Variants in KCNH8 observed in about 807,000 individuals in gnomAD.
KCNH8 encodes the protein voltage-gated delayed rectifier potassium channel KCNH8.
A neutral mutation model predicts 103.6 loss-of-function variants in KCNH8; 70 were observed. The observed-to-expected ratio is 0.68, with a 90% confidence interval of 0.56 to 0.82. KCNH8 has a LOEUF of 0.82. Among genes scored for constraint, KCNH8 ranks in the 40% least tolerant of loss-of-function variants. The pLI is 0.00. For synonymous variants in KCNH8, 498 were observed against 489.4 expected (o/e 1.02, Z -0.23); for missense variants, 1,217 against 1,329.9 (o/e 0.92, Z 1.32).
At chr3:19,284,441 T>G (rs1193900006) in intron 3 of KCNH8, among the ~76,000 whole-genome samples, 2 of 151,612 alleles carry the variant, frequency 1.3e-5, no homozygotes, top group Non-Finnish European at 2.9e-5. Context: ...ACAGCATTGG[T>G]GGAAGATGAG....
At chr3:19,508,922 T>C (rs1451493885) in intron 11 of KCNH8, among the ~76,000 whole-genome samples, 4 of 152,226 alleles carry the variant, frequency 2.6e-5, no homozygotes, top group Non-Finnish European at 5.9e-5. Context: ...CTTTCTCTTA[T>C]ATCTCTAACG....
intron 5 of KCNH8, among the ~76,000 whole-genome samples, chr3:19,381,146 T>G (rs1227846664): frequency 6.6e-6 from 1 of 152,234 alleles, no homozygotes; most frequent in African/African-American, 2.4e-5. Flanking sequence ...TGTGAACACT[T>G]CTATTTCTGA....
At chr3:19,437,298 AT>A in intron 7 of KCNH8, among the ~76,000 whole-genome samples, 1 of 152,282 alleles carries the variant, frequency 6.6e-6, no homozygotes, top group Non-Finnish European at 1.5e-5. Context: ...TCAATAAAGA[AT>A]TTTAAAGTGA....
intron 1 of KCNH8, among the ~76,000 whole-genome samples, chr3:19,178,906 G>T (rs916332170): frequency 6.6e-5 from 10 of 152,134 alleles, no homozygotes; most frequent in African/African-American, 2.4e-4. Flanking sequence ...AGGAGGCTGT[G>T]TGTTAGATGG....
intron 5 of KCNH8, among the ~76,000 whole-genome samples, chr3:19,372,125 G>A (rs2066107822): frequency 6.6e-6 from 1 of 152,096 alleles, no homozygotes; most frequent in Admixed American, 6.6e-5. Flanking sequence ...GAACTTTAAA[G>A]TAGTTTTTTC....
intron 11 of KCNH8, among the ~76,000 whole-genome samples, chr3:19,464,271 T>C (rs2067691847): frequency 6.6e-6 from 1 of 152,058 alleles, no homozygotes; most frequent in South Asian, 2.1e-4. Flanking sequence ...CAAGTTGCTA[T>C]AGTGAAAAAA....
chr3:19,225,797 A>G (rs917994345), intron 1 of KCNH8, among the ~76,000 whole-genome samples: 1 of 152,142 alleles, frequency 6.6e-6, no homozygotes, highest in Non-Finnish European at 1.5e-5. Flanking sequence ...GATAATATTT[A>G]TGTCCACAAT....
At chr3:19,432,297 C>A (rs1013938772) in intron 7 of KCNH8, among the ~76,000 whole-genome samples, 1 of 152,096 alleles carries the variant, frequency 6.6e-6, no homozygotes, top group South Asian at 2.1e-4. Context: ...GATGACAACA[C>A]CCTATCCTTT....
At chr3:19,409,000 G>T (rs924574672) in intron 7 of KCNH8, among the ~76,000 whole-genome samples, 2 of 152,024 alleles carry the variant, frequency 1.3e-5, no homozygotes, top group African/African-American at 4.8e-5. Flanking sequence ...TAGAAATTCA[G>T]ATATAAGAAA....
chr3:19,255,672 GA>G, intron 2 of KCNH8, among the ~76,000 whole-genome samples: 3 of 151,744 alleles, frequency 2.0e-5, no homozygotes, highest in Admixed American at 2.0e-4. Flanking sequence ...TAAATTAAAA[GA>G]AGAAAAGGAA....
chr3:19,239,405 G>T (rs1022922894), intron 1 of KCNH8, among the ~76,000 whole-genome samples: 2 of 152,120 alleles, frequency 1.3e-5, no homozygotes, highest in Non-Finnish European at 2.9e-5. Flanking sequence ...TCTTCTCATA[G>T]CTCTCTTTTA....
At chr3:19,502,129 C>T in intron 11 of KCNH8, among the ~76,000 whole-genome samples, 2 of 144,018 alleles carry the variant, frequency 1.4e-5, no homozygotes, top group Admixed American at 7.0e-5. Context: ...ACACCAACAA[C>T]AGACAAACAG....
At chr3:19,519,165 C>T (rs1039895311) in intron 15 of KCNH8, among the ~76,000 whole-genome samples, 5 of 151,802 alleles carry the variant, frequency 3.3e-5, no homozygotes, top group African/African-American at 9.7e-5. Flanking sequence ...ATTGCTCAGG[C>T]GAGAATATGC....
chr3:19,295,071 A>T (rs1396748494), intron 3 of KCNH8, among the ~76,000 whole-genome samples: 1 of 152,184 alleles, frequency 6.6e-6, no homozygotes, highest in Admixed American at 6.5e-5. Context: ...TGACCAATTC[A>T]TTGAAACACC....
intron 1 of KCNH8, among the ~76,000 whole-genome samples, chr3:19,230,769 T>C (rs1346932878): frequency 6.6e-6 from 1 of 152,236 alleles, no homozygotes; most frequent in Non-Finnish European, 1.5e-5. Flanking sequence ...GTGTGATTTA[T>C]GAGTGTGTAC....
At chr3:19,263,479 C>T (rs2125260506) in intron 2 of KCNH8, among the ~76,000 whole-genome samples, 1 of 152,176 alleles carries the variant, frequency 6.6e-6, no homozygotes, top group South Asian at 2.1e-4. Flanking sequence ...GGGAAATGCA[C>T]CTGTTTGGCA....
intron 15 of KCNH8, among the ~76,000 whole-genome samples, chr3:19,531,898 C>T (rs1428641883): frequency 2.0e-5 from 3 of 151,828 alleles, no homozygotes; most frequent in Admixed American, 6.6e-5. Flanking sequence ...TTGTGGTTCA[C>T]GATAGTAAAA....
chr3:19,491,420 C>G (rs530466579), intron 11 of KCNH8, among the ~76,000 whole-genome samples: 1 of 152,282 alleles, frequency 6.6e-6, no homozygotes, highest in African/African-American at 2.4e-5. Context: ...TAAATGAGAA[C>G]ATGTGGTATT....
intron 7 of KCNH8, among the ~76,000 whole-genome samples, chr3:19,400,455 T>G (rs1016420619): frequency 3.3e-5 from 5 of 151,834 alleles, no homozygotes; most frequent in African/African-American, 1.2e-4. Context: ...CCTTATGTTC[T>G]TTTTCAAAAT....
Sources: allele counts gnomAD v4.1 joint callset (sites outside exome capture counted in the v4.1 genomes callset), GRCh38; gene constraint gnomAD v4.1.1; transcripts MANE v1.5; gene names NCBI Gene and HGNC (gene_info 2026-07-23, HGNC 2026-07-21).